Variants in RCAN1 observed in about 807,000 individuals in gnomAD.
The protein encoded by RCAN1 is regulator of calcineurin 1.
In RCAN1, 11 loss-of-function variants were observed where a neutral mutation model predicts 22.9. The observed-to-expected ratio is 0.48, with a 90% CI of 0.30 to 0.79. The LOEUF (loss-of-function observed/expected upper bound fraction) is 0.79, where lower values mean the gene tolerates loss of function less well. Among genes scored for constraint, RCAN1 ranks in the 30% least tolerant of loss-of-function variants. RCAN1 has a pLI of 0.06. For synonymous variants in RCAN1, 136 were observed against 142.3 expected (o/e 0.96, Z 0.32); for missense variants, 291 against 337.8 (o/e 0.86, Z 1.09).
intron 1 of RCAN1, among the ~76,000 whole-genome samples, chr21:34,611,672 T>G (rs1030622191): frequency 1.1e-4 from 16 of 152,190 alleles, no homozygotes; most frequent in Admixed American, 9.8e-4. Flanking sequence ...CAGTTAATGA[T>G]CTGTTTACAC....
chr21:34,589,926 T>C (rs1987916773), intron 1 of RCAN1, among the ~76,000 whole-genome samples: 1 of 152,232 alleles, frequency 6.6e-6, no homozygotes, highest in African/African-American at 2.4e-5. Context: ...AATTTCTTTA[T>C]ATATCTATAT....
rs1178734954 is a variant in RCAN1 at position 34,521,600 on chromosome 21, A to G, written c.485T>C (p.Ile162Thr). ...APPNPDKQFL[I>T]SPPASPPVGW... is the part of the protein sequence containing the mutation. The stretch of plus-strand genomic sequence containing the variant: ...CACTGGCGGAGAGGCGGGAGGGGAG[A>G]TCAGAAACTGCTTGTCTGGATTTGG... Residue 162 changes from isoleucine (I) to threonine (T), a missense_variant, in exon 3 of 4, where the codon ATC becomes ACC. By Grantham distance (89) the Ile-to-Thr change is moderately conservative. Transcript: ENST00000313806. The G allele has an allele frequency of 1.5e-5, 24 of 1,613,904 alleles. No homozygotes were observed. Among genetic ancestry groups the G allele is most frequent in the Non-Finnish European group, 1.9e-5 (23 of 1,179,990 alleles).
intron 1 of RCAN1, among the ~76,000 whole-genome samples, chr21:34,576,608 A>G (rs1293843779): frequency 6.6e-6 from 1 of 152,260 alleles, no homozygotes; most frequent in East Asian, 1.9e-4. Context: ...TTTAGAAGAA[A>G]TAAGTCACAG....
chr21:34,553,043 C>T (rs1601166899), intron 1 of RCAN1, among the ~76,000 whole-genome samples: 1 of 152,204 alleles, frequency 6.6e-6, no homozygotes, highest in African/African-American at 2.4e-5. Flanking sequence ...GGAGAAGCAA[C>T]TACCTTCTAG....
intron 1 of RCAN1, among the ~76,000 whole-genome samples, chr21:34,573,814 C>T (rs1348745986): frequency 6.6e-6 from 1 of 152,186 alleles, no homozygotes; most frequent in Non-Finnish European, 1.5e-5. Flanking sequence ...CAAGGCCTTG[C>T]TTCATTTTAT....
chr21:34,563,794 T>TAG (rs60116779), intron 1 of RCAN1, among the ~76,000 whole-genome samples: 2,154 of 48,344 alleles, frequency 0.045, 86 homozygotes, highest in Non-Finnish European at 0.057. Context: ...TATATATATA[T>TAG]AGAGAGAGAG....
At chr21:34,527,703 G>A (rs1336495844) in intron 1 of RCAN1, among the ~76,000 whole-genome samples, 7 of 152,146 alleles carry the variant, frequency 4.6e-5, no homozygotes. Flanking sequence ...TTATGCCAGA[G>A]GTTGCAATTT....
intron 1 of RCAN1, among the ~76,000 whole-genome samples, chr21:34,553,797 G>A (rs1032838662): frequency 1.3e-5 from 2 of 152,262 alleles, no homozygotes; most frequent in Middle Eastern, 3.4e-3. Flanking sequence ...TACTTGTGAT[G>A]AAACAAATAA....
At chr21:34,604,895 T>C (rs1231060741) in intron 1 of RCAN1, among the ~76,000 whole-genome samples, 1 of 152,224 alleles carries the variant, frequency 6.6e-6, no homozygotes, top group East Asian at 1.9e-4. Flanking sequence ...AATGAATGGA[T>C]TGATGGAGCC....
At chr21:34,560,312 C>T (rs1255101376) in intron 1 of RCAN1, 1 of 152,188 alleles carries the variant, frequency 6.6e-6, no homozygotes, top group Non-Finnish European at 1.5e-5. Flanking sequence ...GGACAGGTGG[C>T]TAATTCTAAA....
intron 1 of RCAN1, among the ~76,000 whole-genome samples, chr21:34,583,889 A>G (rs2123701265): frequency 6.6e-6 from 1 of 152,134 alleles, no homozygotes; most frequent in East Asian, 1.9e-4. Flanking sequence ...ACCCTCCTAT[A>G]TCACACACAC....
intron 1 of RCAN1, among the ~76,000 whole-genome samples, chr21:34,548,337 A>C (rs745463087): frequency 1.3e-5 from 2 of 152,076 alleles, no homozygotes; most frequent in Non-Finnish European, 2.9e-5. Flanking sequence ...TTTTTTTTGC[A>C]TGGCTAGATA....
chr21:34,531,103 A>G (rs190120581), intron 1 of RCAN1, among the ~76,000 whole-genome samples: 1 of 152,358 alleles, frequency 6.6e-6, no homozygotes, highest in Non-Finnish European at 1.5e-5. Flanking sequence ...AGGGATTAAT[A>G]TCAAATTCAG....
At chr21:34,569,436 T>G (rs370878377) in intron 1 of RCAN1, among the ~76,000 whole-genome samples, 1 of 152,224 alleles carries the variant, frequency 6.6e-6, no homozygotes, top group Admixed American at 6.5e-5. Context: ...ATACAAATAC[T>G]AACAAACGCA....
intron 1 of RCAN1, among the ~76,000 whole-genome samples, chr21:34,598,219 G>C (rs1026582631): frequency 4.6e-5 from 7 of 152,122 alleles, no homozygotes; most frequent in African/African-American, 1.7e-4. Context: ...TATACTTCTA[G>C]AGTTCCCAAA....
chr21:34,608,890 G>A (rs1415041873), intron 1 of RCAN1, among the ~76,000 whole-genome samples: 3 of 152,278 alleles, frequency 2.0e-5, no homozygotes, highest in South Asian at 2.1e-4. Flanking sequence ...CACTGCATAA[G>A]TGGGAAAGGT....
chr21:34,583,311 G>A, intron 1 of RCAN1, among the ~76,000 whole-genome samples: 1 of 151,810 alleles, frequency 6.6e-6, no homozygotes, highest in East Asian at 1.9e-4. Context: ...CCAAGTAGCT[G>A]GGATTACAGT....
intron 1 of RCAN1, among the ~76,000 whole-genome samples, chr21:34,532,864 T>C (rs924231342): frequency 6.6e-6 from 1 of 152,194 alleles, no homozygotes; most frequent in African/African-American, 2.4e-5. Context: ...CTTTCGAACA[T>C]TGCAAATTCC....
chr21:34,521,997 G>A (rs935567055), intron 2 of RCAN1: 2 of 219,694 alleles, frequency 9.1e-6, no homozygotes, highest in South Asian at 7.9e-5. Flanking sequence ...GAGGTCAGGA[G>A]GGCTCTTGGA....
Sources: allele counts gnomAD v4.1 joint callset (sites outside exome capture counted in the v4.1 genomes callset), GRCh38; gene constraint gnomAD v4.1.1; transcripts MANE v1.5; gene names NCBI Gene and HGNC (gene_info 2026-07-23, HGNC 2026-07-21).